UMOD: variants seen among roughly 807,000 people sequenced by gnomAD.
UMOD encodes uromodulin.
A neutral mutation model predicts 66.0 loss-of-function variants in UMOD; 64 were observed. The ratio of observed to expected loss-of-function variants is 0.97; its 90% CI spans 0.79 to 1.19. The LOEUF is 1.19. Ranked by LOEUF, UMOD falls within the 50% of genes most tolerant of loss-of-function variation. The pLI, the probability that UMOD is intolerant of heterozygous loss-of-function variation, is 0.00. For synonymous variants in UMOD, 398 were observed against 352.7 expected (o/e 1.13, Z -1.44); for missense variants, 764 against 850.9 (o/e 0.90, Z 1.27).
chr16:20,343,322 T>C (rs74011924), intron 6 of UMOD, among the ~76,000 whole-genome samples: 3,095 of 152,296 alleles, frequency 0.02, 85 homozygotes, highest in African/African-American at 0.067. Context: ...CTGTAGGCAC[T>C]CTGCCAGGGC....
chr16:20,352,563 T>G, intron 1 of UMOD, 126 bp downstream of exon 1: 1 of 597,316 alleles, frequency 1.7e-6, no homozygotes. Flanking sequence ...AAGCCAATAA[T>G]TGGCAGAATA....
At chr16:20,335,651 T>C (rs1964829615) in intron 9 of UMOD, 131 bp from the exon 10 acceptor site, 1 of 850,320 alleles carries the variant, frequency 1.2e-6, no homozygotes, top group Non-Finnish European at 2.0e-6. Flanking sequence ...AATCTGATCA[T>C]GTTACTCCCC....
At chr16:20,336,511 C>T (rs2141631999) in intron 9 of UMOD, 135 bp downstream of exon 9, 1 of 779,934 alleles carries the variant, frequency 1.3e-6, no homozygotes, top group East Asian at 2.6e-5. Context: ...TGTATTCCAC[C>T]TTGCCCCAGA....
intron 5 of UMOD, among the ~76,000 whole-genome samples, chr16:20,345,073 G>A (rs1026327331): frequency 5.3e-5 from 8 of 152,186 alleles, no homozygotes; most frequent in African/African-American, 1.7e-4. Flanking sequence ...GAGTGCAGTG[G>A]TGCAATCTCG....
chr16:20,343,151 A>ATAAATAAATAAATAAATAATTAATTAAT lies in UMOD; in HGVS notation c.1331+872_1331+873insATTAATTAATTATTTATTTATTTATTTA, dbSNP rs34049357. On this transcript the variant is annotated intron_variant, in intron 6 of 10. Coordinates refer to ENST00000396138, the MANE Select transcript of UMOD (RefSeq NM_003361.4). ...TCTCAATAAATAAATAAATAAATAA[A>ATAAATAAATAAATAAATAATTAATTAAT]TAAATAATCAATAAATCTTATTTCT... Among the ~76,000 whole-genome samples, 11 of 151,442 alleles carry ATAAATAAATAAATAAATAATTAATTAAT rather than the reference A, an allele frequency of 7.3e-5. No homozygotes were observed. The East Asian group carries it at 1.3e-3, about 19-fold the overall frequency.
intron 9 of UMOD, among the ~76,000 whole-genome samples, chr16:20,335,952 G>C (rs567656849): frequency 1.2e-3 from 185 of 152,322 alleles, no homozygotes; most frequent in Non-Finnish European, 2.2e-3. Flanking sequence ...CTGGGTGTAG[G>C]CTGAACTAAT....
At chr16:20,353,794 A>G (rs1461436736), upstream of UMOD, among the ~76,000 whole-genome samples, 1 of 152,104 alleles carries the variant, frequency 6.6e-6, no homozygotes, top group Non-Finnish European at 1.5e-5. Flanking sequence ...TTTAGGGTAC[A>G]AGTGCACAAC....
chr16:20,341,491 G>A (rs767898116), intron 6 of UMOD, among the ~76,000 whole-genome samples, 155 bp from the exon 7 acceptor site: 9 of 152,282 alleles, frequency 5.9e-5, no homozygotes, highest in East Asian at 1.9e-4. Context: ...TTTGCAAACC[G>A]CAATAAGTAC....
upstream of UMOD, among the ~76,000 whole-genome samples, chr16:20,353,744 T>G (rs2141690100): frequency 6.6e-6 from 1 of 151,064 alleles, no homozygotes; most frequent in East Asian, 2.0e-4. Flanking sequence ...AATATCACCA[T>G]GATCACTGCA....
intron 4 of UMOD, among the ~76,000 whole-genome samples, chr16:20,346,876 AGAAAGAG>A (rs1321907108): frequency 2.1e-5 from 1 of 46,622 alleles, no homozygotes; most frequent in African/African-American, 1.3e-4. Context: ...AATAAAAAAA[AGAAAGAG>A]AGAAAGAAAG....
chr16:20,355,237 CTG>C (rs1178810893), upstream of UMOD, among the ~76,000 whole-genome samples: 4 of 152,096 alleles, frequency 2.6e-5, no homozygotes, highest in Non-Finnish European at 5.9e-5. Flanking sequence ...ATTTCCTGCT[CTG>C]TTGCTCATCA....
chr16:20,335,429 C>A, intron 10 of UMOD, 53 bp downstream of exon 10: 1 of 1,574,708 alleles, frequency 6.4e-7, no homozygotes. Flanking sequence ...CAGATAGAAG[C>A]CCCCCAGGAG....
intron 1 of UMOD, among the ~76,000 whole-genome samples, chr16:20,352,342 C>A (rs1351337745): frequency 1.3e-5 from 2 of 152,090 alleles, no homozygotes; most frequent in Non-Finnish European, 2.9e-5. Flanking sequence ...AAGATGCGAC[C>A]TAAAACACTG....
At chr16:20,354,428 C>T (rs958847100), upstream of UMOD, among the ~76,000 whole-genome samples, 1 of 152,158 alleles carries the variant, frequency 6.6e-6, no homozygotes, top group Non-Finnish European at 1.5e-5. Context: ...GCATTGGTAA[C>T]TTGCTTTCAT....
chr16:20,337,242 A>G (rs781142594), intron 8 of UMOD, 49 bp downstream of exon 8: 3 of 1,609,010 alleles, frequency 1.9e-6, no homozygotes, highest in Non-Finnish European at 2.6e-6. Context: ...CTTTGTGGCC[A>G]AATGTCTTTG....
At chr16:20,334,309 T>C (rs1389576297) in intron 10 of UMOD, among the ~76,000 whole-genome samples, 1 of 152,206 alleles carries the variant, frequency 6.6e-6, no homozygotes, top group Middle Eastern at 3.4e-3. Flanking sequence ...TCATCACCTA[T>C]TGAATGAATC....
intron 2 of UMOD, chr16:20,349,692 C>G (rs995256512): frequency 9.4e-6 from 14 of 1,482,208 alleles, no homozygotes; most frequent in African/African-American, 1.4e-5. Flanking sequence ...AAAAGTAATG[C>G]GCAGAATTCC....
At position 20,334,131 on chromosome 16, in the gene UMOD, T is replaced by C. The variant is rs145860382; in HGVS notation, c.1862-756A>G. ...TAGATTTGCTTTTCACCTAGATTTTTAGACAATTCAGTGCCATGAAAACCA... is the reference window on the plus strand; with the variant it reads ...TAGATTTGCTTTTCACCTAGATTTTCAGACAATTCAGTGCCATGAAAACCA... On this transcript the variant is annotated intron_variant, in intron 10 of 10. Transcript: ENST00000396138. 7.2e-5 allele frequency among the ~76,000 whole-genome samples: 11 copies of C among 152,038 alleles called. No homozygotes were observed. In the East Asian group the frequency reaches 2.1e-3, roughly 29 times the overall value.
At chr16:20,344,597 T>C (rs1451938452) in intron 5 of UMOD, among the ~76,000 whole-genome samples, 1 of 41,680 alleles carries the variant, frequency 2.4e-5, no homozygotes, top group African/African-American at 1.1e-4. Context: ...GGAGATTCCA[T>C]CTCAAAAAAA....
Sources: allele counts gnomAD v4.1 joint callset (sites outside exome capture counted in the v4.1 genomes callset), GRCh38; gene constraint gnomAD v4.1.1; transcripts MANE v1.5; gene names NCBI Gene and HGNC (gene_info 2026-07-23, HGNC 2026-07-21).